BTD: variants seen among roughly 807,000 people sequenced by gnomAD.
BTD encodes biotinidase.
A neutral mutation model predicts 17.7 loss-of-function variants in BTD; 13 were observed. The ratio of observed to expected loss-of-function variants is 0.74; its 90% CI spans 0.48 to 1.17. The LOEUF is 1.17. Ranked by LOEUF, BTD falls within the 50% of genes most tolerant of loss-of-function variation. BTD has a pLI of 0.00. For missense variants in BTD, 674 were observed against 650.4 expected, an observed-to-expected ratio of 1.04 and a Z score of -0.39; for synonymous variants, 240 against 245.2, an observed-to-expected ratio of 0.98 and a Z score of 0.20.
chr3:15,643,561 G>C (rs1320469877), intron 3 of BTD, among the ~76,000 whole-genome samples: 1 of 152,032 alleles, frequency 6.6e-6, no homozygotes, highest in Non-Finnish European at 1.5e-5. Context: ...GGTGAGAAAT[G>C]ATAGCTATTT....
At chr3:15,620,838 T>G (rs924714976) in intron 1 of BTD, among the ~76,000 whole-genome samples, 1 of 152,100 alleles carries the variant, frequency 6.6e-6, no homozygotes, top group Non-Finnish European at 1.5e-5. Context: ...TATAGAGAGA[T>G]ATACGAAAGA....
chr3:15,631,810 G>C (rs1337379390), intron 1 of BTD, among the ~76,000 whole-genome samples: 1 of 152,150 alleles, frequency 6.6e-6, no homozygotes. Flanking sequence ...CGTGAACTGG[G>C]GAGTCACTGG....
At chr3:15,722,252 A>G (rs1288315376) in exon 5 of BTD, among the ~76,000 whole-genome samples, 1 of 152,206 alleles carries the variant, frequency 6.6e-6, no homozygotes, top group Non-Finnish European at 1.5e-5. Context: ...AATCAACCAC[A>G]TGGACAACCA....
At chr3:15,631,455 A>G in intron 1 of BTD, 2 of 1,535,348 alleles carry the variant, frequency 1.3e-6, no homozygotes, top group Non-Finnish European at 1.7e-6. Flanking sequence ...CATGGCTAGG[A>G]AGGAAACACA....
intron 1 of BTD, among the ~76,000 whole-genome samples, chr3:15,623,743 A>G (rs2065005766): frequency 6.6e-6 from 1 of 152,132 alleles, no homozygotes; most frequent in South Asian, 2.1e-4. Flanking sequence ...AGTTCTCATG[A>G]GATCTGGTTG....
chr3:15,699,467 G>A (rs1156684653), intron 3 of BTD, among the ~76,000 whole-genome samples: 1 of 152,108 alleles, frequency 6.6e-6, no homozygotes, highest in Non-Finnish European at 1.5e-5. Context: ...TCTACAGAAT[G>A]GGAGAAAATT....
In BTD at chr3:15,635,523, C is replaced by A; in HGVS notation, c.84C>A (p.Ser28Arg). The A allele has an allele frequency of 3.1e-6, 5 of 1,614,170 alleles. No individual in the cohort carries two copies. The highest frequency in any genetic ancestry group is 3.4e-6 in the Non-Finnish European group (4 of 1,180,030). ...TGGGAGCCCACACCGGGGAGGAGAG[C>A]GTGGCTGACCATCACGAGGCTGAAT... is the stretch of plus-strand genomic sequence containing the variant. Reference protein sequence around the residue: ...VALGAHTGEESVADHHEAEYY... With the variant: ...VALGAHTGEERVADHHEAEYY... The change falls in exon 2 of 4, where the codon AGC becomes AGA. Residue 28 changes from serine (S) to arginine (R), a missense_variant. Coordinates refer to ENST00000643237, the MANE Select transcript of BTD (RefSeq NM_001370658.1). This position sits in a 1 kb window ranked among gnomAD's most constrained non-coding sequence, Gnocchi z 4.1.
At chr3:15,629,278 G>A (rs2065144730) in intron 1 of BTD, among the ~76,000 whole-genome samples, 1 of 152,086 alleles carries the variant, frequency 6.6e-6, no homozygotes, top group Admixed American at 6.5e-5. Context: ...CTCAGACCAG[G>A]AGCATCAGCA....
rs75150278 is a variant in BTD at position 15,650,517 on chromosome 3, C to T, written c.*5029C>T. 4.4e-3 allele frequency among the ~76,000 whole-genome samples: 669 copies of T among 152,184 alleles called. 8 individuals carry two copies. Among genetic ancestry groups the T allele is most frequent in the South Asian group, 0.015 (73 of 4,824 alleles). ...CTTCAGCCATTGCTGAATCTAGGGG[C>T]TCAAATGGTGTCTCTGGACACAGTA... On this transcript the variant is annotated 3_prime_UTR_variant, in exon 4 of 4. Coordinates refer to ENST00000643237, the MANE Select transcript of BTD (RefSeq NM_001370658.1).
Position 15,635,412 on chromosome 3 carries a change from A to G in BTD, c.-16-12A>G, listed in dbSNP as rs1248147611. The G allele has an allele frequency of 1.9e-6, 3 of 1,614,230 alleles. No individual in the cohort carries two copies. Among genetic ancestry groups the G allele is most frequent in the East Asian group, 4.5e-5 (2 of 44,892 alleles). ...TATTCAGCTGTTTTCCCCTTGCCCC[A>G]TTACATTCCAGATTTGTGGTCTGCA... On this transcript the variant is annotated splice_polypyrimidine_tract_variant and intron_variant, in intron 1 of 3. Transcript: ENST00000643237. This position sits in a 1 kb window ranked among gnomAD's most constrained non-coding sequence, Gnocchi z 4.1.
intron 1 of BTD, among the ~76,000 whole-genome samples, chr3:15,627,420 G>GTTTT (rs1432368666): frequency 1.3e-5 from 2 of 152,136 alleles, no homozygotes; most frequent in Non-Finnish European, 2.9e-5. Context: ...TAGAGACAGT[G>GTTTT]TTTCTCCATG....
intron 2 of BTD, among the ~76,000 whole-genome samples, chr3:15,638,395 T>A (rs1192360077): frequency 2.0e-5 from 3 of 152,180 alleles, no homozygotes; most frequent in African/African-American, 7.2e-5. Context: ...ATTAATACCC[T>A]GCACAGATCA....
chr3:15,623,445 T>G (rs2064998845), intron 1 of BTD, among the ~76,000 whole-genome samples: 1 of 152,262 alleles, frequency 6.6e-6, no homozygotes, highest in African/African-American at 2.4e-5. Context: ...ATTTGTTACT[T>G]TTTTCTACTT....
At chr3:15,640,411 G>A (rs1344198214) in intron 2 of BTD, among the ~76,000 whole-genome samples, 1 of 143,996 alleles carries the variant, frequency 6.9e-6, no homozygotes, top group South Asian at 2.2e-4. Flanking sequence ...TTTTTTTTGT[G>A]GTGGAGTTTC....
chr3:15,622,579 G>A (rs1013576854), intron 1 of BTD, among the ~76,000 whole-genome samples: 1 of 152,156 alleles, frequency 6.6e-6, no homozygotes, highest in African/African-American at 2.4e-5. Flanking sequence ...GATTGATGGT[G>A]CTACTGAATT....
intron 4 of BTD, among the ~76,000 whole-genome samples, chr3:15,719,674 T>C (rs1209295024): frequency 6.6e-6 from 1 of 152,048 alleles, no homozygotes; most frequent in Non-Finnish European, 1.5e-5. Flanking sequence ...GCTCAAGTGA[T>C]CCTCCAGCCT....
intron 3 of BTD, among the ~76,000 whole-genome samples, chr3:15,709,981 G>A (rs140462688): frequency 2.0e-5 from 3 of 151,622 alleles, no homozygotes; most frequent in African/African-American, 7.3e-5. Context: ...TTAAAAGGAA[G>A]ATCACATTTG....
chr3:15,640,023 G>A (rs1241845942), intron 2 of BTD, among the ~76,000 whole-genome samples: 1 of 152,166 alleles, frequency 6.6e-6, no homozygotes, highest in Non-Finnish European at 1.5e-5. Flanking sequence ...AGAATTACTT[G>A]AACCCAGGAG....
At chr3:15,626,207 C>T (rs571679105) in intron 1 of BTD, among the ~76,000 whole-genome samples, 4 of 152,186 alleles carry the variant, frequency 2.6e-5, no homozygotes, top group Non-Finnish European at 5.9e-5. Context: ...CAACCTCCCC[C>T]ACCACCACCA....
Sources: gnomAD v4.1 joint callset for allele counts (sites outside exome capture counted in the v4.1 genomes callset) on GRCh38, gnomAD v4.1.1 for gene constraint, Gnocchi (gnomAD v3.1) non-coding constraint, MANE v1.5 for transcripts, NCBI Gene and HGNC (gene_info 2026-07-23, HGNC 2026-07-21) for gene names.